The following ELAPOR1 variants were observed in gnomAD, a reference collection of about 807,000 sequenced individuals.
The protein encoded by ELAPOR1 is endosome-lysosome associated apoptosis and autophagy regulator 1, also known as endosome/lysosome-associated apoptosis and autophagy regulator 1.
Under a neutral mutation model 119.7 loss-of-function variants are expected in ELAPOR1, and 77 were observed. The ratio of observed to expected loss-of-function variants is 0.64; its 90% CI spans 0.54 to 0.78. The LOEUF (loss-of-function observed/expected upper bound fraction) is 0.78. Ranked by LOEUF, ELAPOR1 falls within the 30% of genes least tolerant of loss-of-function variation. The pLI, the probability that ELAPOR1 is intolerant of heterozygous loss-of-function variation, is 0.00. For synonymous variants in ELAPOR1, 481 were observed against 487.2 expected, an observed-to-expected ratio of 0.99 and a Z score of 0.17; for missense variants, 1,115 against 1,270.4, an observed-to-expected ratio of 0.88 and a Z score of 1.86.
chr1:109,189,152 A>G lies in ELAPOR1; in HGVS notation c.1306A>G (p.Thr436Ala), dbSNP rs778077540. The change falls in exon 10 of 22, where the codon ACC becomes GCC. Residue 436 changes from threonine to alanine, a missense_variant. Thr to Ala is a moderately conservative substitution (Grantham distance 58). Coordinates refer to ENST00000369939, the MANE Select transcript of ELAPOR1 (RefSeq NM_020775.5). ...CACGCTGCCCACAAACATGGAAACG[A>G]CCGTTCTCAGTGGGATCAACTTCGA... ...WNTLPTNMET[T>A]VLSGINFEYK... 9.3e-6 allele frequency: 15 copies of G among 1,613,946 alleles called. No homozygotes were observed. The highest frequency in any genetic ancestry group is 3.3e-5 in the Admixed American group (2 of 59,986).
At chr1:109,145,657 CA>C (rs936786926) in intron 1 of ELAPOR1, among the ~76,000 whole-genome samples, 1 of 150,826 alleles carries the variant, frequency 6.6e-6, no homozygotes, top group African/African-American at 2.4e-5. Context: ...GACTCTGTCT[CA>C]AAAAAAAGAA....
At chr1:109,114,999 T>C (rs990684938) in intron 1 of ELAPOR1, among the ~76,000 whole-genome samples, 3 of 152,230 alleles carry the variant, frequency 2.0e-5, no homozygotes, top group African/African-American at 7.2e-5. Flanking sequence ...TTCAATATCT[T>C]GTGTTCTGCC....
intron 1 of ELAPOR1, among the ~76,000 whole-genome samples, chr1:109,137,093 A>C (rs979267504): frequency 6.6e-6 from 1 of 152,224 alleles, no homozygotes; most frequent in Non-Finnish European, 1.5e-5. Context: ...GTAAGGGAGC[A>C]GGTATAATGC....
intron 1 of ELAPOR1, among the ~76,000 whole-genome samples, chr1:109,121,577 T>A (rs1021114127): frequency 2.0e-5 from 3 of 152,138 alleles, no homozygotes; most frequent in Non-Finnish European, 4.4e-5. Flanking sequence ...CAGTCACACT[T>A]TAGAGTTTCC....
At chr1:109,116,673 C>CTCTGTTCT (rs1370537322) in intron 1 of ELAPOR1, among the ~76,000 whole-genome samples, 43 of 135,370 alleles carry the variant, frequency 3.2e-4, no homozygotes, top group African/African-American at 1.1e-3. Context: ...ACCAGCTCTT[C>CTCTGTTCT]TCTGTTCTTT....
At chr1:109,198,442 T>C in intron 17 of ELAPOR1, 131 bp from the exon 18 acceptor site, 1 of 741,166 alleles carries the variant, frequency 1.3e-6, no homozygotes, top group Non-Finnish European at 2.2e-6. Context: ...GTGCACTCCC[T>C]GTGTGCCAGG....
At chr1:109,200,262 G>A (rs1654087561) in intron 20 of ELAPOR1, 25 bp downstream of exon 20, 1 of 1,607,730 alleles carries the variant, frequency 6.2e-7, no homozygotes, top group Admixed American at 1.7e-5. Context: ...ATTGGAGTGT[G>A]GGGATGGACA....
chr1:109,158,045 G>A (rs900477801), intron 1 of ELAPOR1, among the ~76,000 whole-genome samples: 26 of 151,998 alleles, frequency 1.7e-4, no homozygotes, highest in African/African-American at 5.3e-4. Context: ...ATGCCACCAC[G>A]ACCGATTAAT....
intron 1 of ELAPOR1, among the ~76,000 whole-genome samples, chr1:109,144,442 TTAGAAA>T (rs923622363): frequency 7.2e-5 from 11 of 152,280 alleles, no homozygotes; most frequent in African/African-American, 2.6e-4. Flanking sequence ...AATAATTTTC[TTAGAAA>T]TAGAATTCTA....
intron 1 of ELAPOR1, among the ~76,000 whole-genome samples, chr1:109,140,042 C>T (rs1262653092): frequency 6.6e-6 from 1 of 152,196 alleles, no homozygotes; most frequent in Non-Finnish European, 1.5e-5. Flanking sequence ...GGATTACAGG[C>T]GTGAGCCACC....
chr1:109,175,578 G>A (rs998507513), intron 7 of ELAPOR1, among the ~76,000 whole-genome samples: 3 of 149,782 alleles, frequency 2.0e-5, no homozygotes, highest in Non-Finnish European at 3.0e-5. Flanking sequence ...TGTAATCCCA[G>A]CACTTTGGGA....
At chr1:109,127,682 A>G (rs1011035820) in intron 1 of ELAPOR1, among the ~76,000 whole-genome samples, 1 of 151,962 alleles carries the variant, frequency 6.6e-6, no homozygotes, top group Non-Finnish European at 1.5e-5. Flanking sequence ...TCCCTCCCAC[A>G]TTAGCCTGAG....
chr1:109,198,907 G>A (rs1212399117), intron 18 of ELAPOR1, among the ~76,000 whole-genome samples: 3 of 152,206 alleles, frequency 2.0e-5, no homozygotes, highest in South Asian at 2.1e-4. Context: ...CAGCAGCTGC[G>A]TAGCATGGTA....
chr1:109,189,501 G>GTGTCAAA, intron 10 of ELAPOR1, 91 bp from the exon 11 acceptor site: 1 of 1,173,852 alleles, frequency 8.5e-7, no homozygotes, highest in Admixed American at 1.8e-5. Flanking sequence ...TCAAAAGATG[G>GTGTCAAA]TGTCAAACCT....
At chr1:109,156,614 A>ATGAT (rs1650889566) in intron 1 of ELAPOR1, among the ~76,000 whole-genome samples, 1 of 152,140 alleles carries the variant, frequency 6.6e-6, no homozygotes, top group Non-Finnish European at 1.5e-5. Context: ...TTCACTTGGC[A>ATGAT]TGATTTTTAT....
intron 1 of ELAPOR1, among the ~76,000 whole-genome samples, chr1:109,123,606 A>G (rs890231882): frequency 1.3e-5 from 2 of 152,186 alleles, no homozygotes; most frequent in African/African-American, 4.8e-5. Context: ...ATACTATTTT[A>G]AAATAATCTT....
At chr1:109,158,518 G>A (rs181142852) in intron 1 of ELAPOR1, among the ~76,000 whole-genome samples, 5 of 152,112 alleles carry the variant, frequency 3.3e-5, no homozygotes, top group Admixed American at 2.0e-4. Flanking sequence ...GCTGGGTGAC[G>A]CTACGGAAGG....
chr1:109,185,217 C>G, intron 8 of ELAPOR1, 84 bp downstream of exon 8: 1 of 1,029,288 alleles, frequency 9.7e-7, no homozygotes, highest in Non-Finnish European at 1.5e-6. Flanking sequence ...GGAACTTCAG[C>G]AGTCAATGAC....
At chr1:109,194,299 T>C in intron 14 of ELAPOR1, 122 bp from the exon 15 acceptor site, 1 of 786,016 alleles carries the variant, frequency 1.3e-6, no homozygotes, top group Non-Finnish European at 2.0e-6. Context: ...CTCCTAATCC[T>C]TTCTTCCTCC....
Sources: gnomAD v4.1 joint callset for allele counts (sites outside exome capture counted in the v4.1 genomes callset) on GRCh38, gnomAD v4.1.1 for gene constraint, MANE v1.5 for transcripts, NCBI Gene and HGNC (gene_info 2026-07-23, HGNC 2026-07-21) for gene names.